The following SLC44A1 variants were observed in gnomAD, a reference collection of about 807,000 sequenced individuals.
SLC44A1 encodes the protein solute carrier family 44 member 1.
A neutral mutation model predicts 79.3 loss-of-function variants in SLC44A1; 26 were observed. The observed-to-expected ratio is 0.33, with a 90% CI of 0.24 to 0.46. The LOEUF (loss-of-function observed/expected upper bound fraction) is 0.46. SLC44A1 is among the 20% of genes least tolerant of loss of function. The pLI is 1.00. For synonymous variants in SLC44A1, 263 were observed against 286.2 expected (o/e 0.92, Z 0.82); for missense variants, 688 against 798.1 (o/e 0.86, Z 1.66).
intron 1 of SLC44A1, among the ~76,000 whole-genome samples, chr9:105,261,928 C>T (rs944992509): frequency 2.0e-4 from 31 of 151,834 alleles, no homozygotes; most frequent in Non-Finnish European, 7.4e-5. Context: ...TACAGGCGCC[C>T]GCCACCATGC....
chr9:105,406,687 A>G (rs1321338963), intron 15 of SLC44A1, among the ~76,000 whole-genome samples: 1 of 152,186 alleles, frequency 6.6e-6, no homozygotes, highest in Non-Finnish European at 1.5e-5. Flanking sequence ...GGCCGCAGTG[A>G]GCTGAGATTG....
intron 15 of SLC44A1, among the ~76,000 whole-genome samples, chr9:105,417,437 C>T (rs1182412534): frequency 2.0e-5 from 3 of 152,074 alleles, no homozygotes; most frequent in Non-Finnish European, 2.9e-5. Context: ...CCATGCATGT[C>T]TTTATGCACT....
At chr9:105,297,118 A>G (rs1412807520) in intron 1 of SLC44A1, among the ~76,000 whole-genome samples, 3 of 152,132 alleles carry the variant, frequency 2.0e-5, no homozygotes, top group Non-Finnish European at 4.4e-5. Flanking sequence ...TTCCATGACT[A>G]ACTAGTGCTC....
Position 105,255,387 on chromosome 9 carries a change from C to G in SLC44A1, c.36+10483C>G, listed in dbSNP as rs1056227419. Among the ~76,000 whole-genome samples, 3 of 152,138 alleles carry G rather than the reference C, an allele frequency of 2.0e-5. No homozygotes were observed. The East Asian group carries it at 5.8e-4, about 29-fold the overall frequency. On this transcript the variant is annotated intron_variant, in intron 1 of 15. Transcript: ENST00000374720. Reference sequence around the variant, plus strand: ...TGATTTGCTGAATAAATTGGAATGACCCTCTTGAGATACATTAAGAGCCAT... The same window carrying G: ...TGATTTGCTGAATAAATTGGAATGAGCCTCTTGAGATACATTAAGAGCCAT...
At chr9:105,263,210 A>G (rs1197887365) in intron 1 of SLC44A1, among the ~76,000 whole-genome samples, 2 of 152,212 alleles carry the variant, frequency 1.3e-5, no homozygotes, top group East Asian at 1.9e-4. Context: ...CCAGCAACAG[A>G]TAACTTACTG....
chr9:105,433,046 G>C (rs1829417388), intron 15 of SLC44A1, among the ~76,000 whole-genome samples: 1 of 152,132 alleles, frequency 6.6e-6, no homozygotes, highest in Non-Finnish European at 1.5e-5. Flanking sequence ...TGTAATCCTA[G>C]CACTTTGGGA....
chr9:105,392,239 C>A lies in SLC44A1; in HGVS notation c.*3183C>A. 1 of 983,514 alleles carries A rather than the reference C, an allele frequency of 1.0e-6. No individual in the cohort carries two copies. The highest frequency in any genetic ancestry group is 1.2e-6 in the Non-Finnish European group (1 of 828,338). 60.9% of individuals were successfully genotyped at this position (983,514 alleles called of 1,614,324 possible). ...TTAGGATTAAAGTTTTTATTTTATC[C>A]TATAAGATAATTAAGTCCTAAGTCA... On this transcript the variant is annotated 3_prime_UTR_variant, in exon 16 of 16. Transcript: ENST00000374720.
chr9:105,321,423 A>G (rs769822877), intron 3 of SLC44A1, among the ~76,000 whole-genome samples: 1 of 152,224 alleles, frequency 6.6e-6, no homozygotes, highest in Non-Finnish European at 1.5e-5. Context: ...TAGTAATAGC[A>G]GCTACCAGTA....
chr9:105,276,951 G>C (rs533051762), intron 1 of SLC44A1, among the ~76,000 whole-genome samples: 1 of 152,228 alleles, frequency 6.6e-6, no homozygotes, highest in Non-Finnish European at 1.5e-5. Flanking sequence ...TTCCAATCAC[G>C]TTATTGAAAC....
At chr9:105,327,527 C>G (rs1423100611) in intron 3 of SLC44A1, among the ~76,000 whole-genome samples, 2 of 152,186 alleles carry the variant, frequency 1.3e-5, no homozygotes, top group African/African-American at 4.8e-5. Flanking sequence ...AAGTGATCTG[C>G]CCACCTCGGC....
chr9:105,329,139 G>A (rs1826672869), intron 3 of SLC44A1, among the ~76,000 whole-genome samples: 1 of 152,212 alleles, frequency 6.6e-6, no homozygotes, highest in South Asian at 2.1e-4. Context: ...CCGCTAGGCT[G>A]TCATGGTTTT....
chr9:105,371,343 C>T (rs569238787), intron 12 of SLC44A1, among the ~76,000 whole-genome samples: 55 of 152,304 alleles, frequency 3.6e-4, no homozygotes, highest in Middle Eastern at 3.4e-3. Flanking sequence ...TCTTTCACGA[C>T]GGCACAGTTC....
chr9:105,253,872 C>T (rs775602888), intron 1 of SLC44A1, among the ~76,000 whole-genome samples: 34 of 152,140 alleles, frequency 2.2e-4, no homozygotes, highest in African/African-American at 7.2e-4. Context: ...TACAGGTACC[C>T]GCCACCACAC....
chr9:105,312,755 A>T (rs1370099043), intron 3 of SLC44A1, among the ~76,000 whole-genome samples: 1 of 152,148 alleles, frequency 6.6e-6, no homozygotes. Context: ...CATGTCTTTG[A>T]TTATTAATGA....
At chr9:105,354,121 G>A (rs1827543256) in intron 5 of SLC44A1, among the ~76,000 whole-genome samples, 1 of 140,446 alleles carries the variant, frequency 7.1e-6, no homozygotes, top group East Asian at 2.1e-4. Context: ...CGCGATCTCG[G>A]CTCACTGCAA....
intron 15 of SLC44A1, among the ~76,000 whole-genome samples, chr9:105,430,931 G>T (rs1829384418): frequency 6.6e-6 from 1 of 152,192 alleles, no homozygotes; most frequent in South Asian, 2.1e-4. Flanking sequence ...CTCGACAAGT[G>T]TAAGTTTCCA....
At chr9:105,430,830 C>T (rs574550629) in intron 15 of SLC44A1, among the ~76,000 whole-genome samples, 4 of 152,232 alleles carry the variant, frequency 2.6e-5, no homozygotes, top group African/African-American at 9.6e-5. Context: ...CTGTATTTAA[C>T]TTTTTGAGGA....
chr9:105,358,280 G>A lies in SLC44A1; in HGVS notation c.671-64G>A, dbSNP rs1056893859. On this transcript the variant is annotated intron_variant, in intron 6 of 15. Coordinates refer to ENST00000374720, the MANE Select transcript of SLC44A1 (RefSeq NM_080546.5). ...GGGGAAAAAAGCAACCATTTAAAGC[G>A]TTTTTATTTGTATTTACCTGCATTT... 36 of 934,110 alleles carry A rather than the reference G, an allele frequency of 3.9e-5. No individual in the cohort carries two copies. In the Middle Eastern group the frequency reaches 8.1e-4, roughly 21 times the overall value. The allele number at this position is 934,110 out of a possible 1,614,324, so 57.9% of individuals were successfully genotyped here.
At chr9:105,381,351 C>T (rs1364268887) in intron 13 of SLC44A1, among the ~76,000 whole-genome samples, 1 of 151,586 alleles carries the variant, frequency 6.6e-6, no homozygotes, top group Admixed American at 6.6e-5. Flanking sequence ...ACCAGCCTGG[C>T]CAACATGGTG....
Sources: allele counts gnomAD v4.1 joint callset (sites outside exome capture counted in the v4.1 genomes callset), GRCh38; gene constraint gnomAD v4.1.1; transcripts MANE v1.5; gene names NCBI Gene and HGNC (gene_info 2026-07-23, HGNC 2026-07-21).